Variants in ARHGEF12 observed in about 807,000 individuals in gnomAD.
ARHGEF12 encodes KMT2A/ARHGEF12 fusion protein.
A neutral mutation model predicts 211.2 loss-of-function variants in ARHGEF12; 66 were observed. The observed-to-expected ratio is 0.31, with a 90% CI of 0.26 to 0.38. ARHGEF12 has a LOEUF of 0.38. ARHGEF12 is among the 10% of genes least tolerant of loss of function. The probability of loss-of-function intolerance (pLI) is 1.00; values close to 1 mark genes in which losing one functional copy is unlikely to be tolerated. For missense variants in ARHGEF12, 1,429 were observed against 1,869.5 expected (o/e 0.76, Z 4.34); for synonymous variants, 592 against 638.4 (o/e 0.93, Z 1.09).
In ARHGEF12 at chr11:120,407,788, T is replaced by C; in HGVS notation, c.107T>C (p.Val36Ala). ...TCACCAACAGATAAGAAGCAGAAAGTTGAGCGCATTGCATCACATGATTTT... is the reference window on the plus strand; with the variant it reads ...TCACCAACAGATAAGAAGCAGAAAGCTGAGCGCATTGCATCACATGATTTT... ...RESPTDKKQK[V>A]ERIASHDFDP... Residue 36 changes from valine to alanine, a missense_variant, in exon 3 of 41, where the codon GTT becomes GCT. Val to Ala is a moderately conservative substitution (Grantham distance 64). This residue lies in a region of ARHGEF12 where 41 missense variants were observed against 48.6 expected (regional missense o/e 0.84). Coordinates refer to ENST00000397843, the MANE Select transcript of ARHGEF12 (RefSeq NM_015313.3). The C allele has an allele frequency of 1.2e-6, 2 of 1,613,722 alleles. No individual in the cohort carries two copies. Among genetic ancestry groups the C allele is most frequent in the Non-Finnish European group, 1.7e-6 (2 of 1,179,822 alleles).
intron 27 of ARHGEF12, chr11:120,462,974 A>G (rs1016622413): frequency 6.6e-6 from 1 of 152,230 alleles, no homozygotes; most frequent in Admixed American, 6.5e-5. Context: ...ACAGTGAGCC[A>G]CAGCTCCTGG....
chr11:120,466,972 C>CAG (rs1676784396), intron 28 of ARHGEF12, among the ~76,000 whole-genome samples: 1 of 152,134 alleles, frequency 6.6e-6, no homozygotes, highest in East Asian at 1.9e-4. Context: ...CTTCCTTAAA[C>CAG]AGATAACAAG....
chr11:120,457,916 A>G, intron 24 of ARHGEF12, 160 bp downstream of exon 24: 2 of 1,122,026 alleles, frequency 1.8e-6, no homozygotes, highest in Non-Finnish European at 2.5e-6. Flanking sequence ...CAAAAGCTGT[A>G]TTTTGAAGTA....
At chr11:120,428,404 G>T (rs547671518) in intron 8 of ARHGEF12, among the ~76,000 whole-genome samples, 157 bp downstream of exon 8, 1 of 152,152 alleles carries the variant, frequency 6.6e-6, no homozygotes, top group African/African-American at 2.4e-5. Context: ...GGAATGATTA[G>T]AATATTGTCA....
rs926350763 is a variant in ARHGEF12, at chr11:120,469,288, A to C, written c.2855A>C (p.Glu952Ala). ...TTTTGGATTTCTTTCCCATATTTAG[A>C]ATGGCCAACAGAAAGGGAGAAGGTG... ...LLLDNIAKYT[E>A]WPTEREKVKK... Residue 952 changes from glutamate to alanine, a missense_variant and splice_region_variant, in exon 30 of 41, where the codon GAA (glutamate) becomes GCA (alanine). By Grantham distance (107) the Glu-to-Ala change is moderately radical. This residue lies in a region of ARHGEF12 where 223 missense variants were observed against 444.6 expected (regional missense o/e 0.50). Coordinates refer to ENST00000397843, the MANE Select transcript of ARHGEF12 (RefSeq NM_015313.3). 2.5e-6 allele frequency: 4 copies of C among 1,608,042 alleles called. No homozygotes were observed. Among genetic ancestry groups the C allele is most frequent in the Admixed American group, 3.4e-5 (2 of 58,426 alleles).
intron 4 of ARHGEF12, among the ~76,000 whole-genome samples, chr11:120,420,188 CT>C (rs1261521708): frequency 6.6e-6 from 1 of 152,160 alleles, no homozygotes; most frequent in African/African-American, 2.4e-5. Flanking sequence ...TTTCTTCCCC[CT>C]GAACTCTTCC....
chr11:120,354,062 T>A (rs987719603), intron 1 of ARHGEF12, among the ~76,000 whole-genome samples: 5 of 151,676 alleles, frequency 3.3e-5, no homozygotes, highest in Admixed American at 3.3e-4. Flanking sequence ...CTGCCTCTGA[T>A]CTCCTCAGAG....
At chr11:120,460,616 G>C (rs1287860522) in intron 26 of ARHGEF12, 56 bp from the exon 27 acceptor site, 4 of 1,461,514 alleles carry the variant, frequency 2.7e-6, no homozygotes, top group Non-Finnish European at 3.8e-6. Context: ...TGTACTACCA[G>C]TAATTCTGTC....
rs950211940 is a variant in ARHGEF12, at chr11:120,338,995, TTTTC to T, written c.32+1724_32+1727del. ...TATGAAATTACTGAAAGCCTGTTTCTTTTCTTTTTCTTTTTTTTTTTTTTTTTTG... is the reference window on the plus strand; with the variant it reads ...TATGAAATTACTGAAAGCCTGTTTCTTTTTTCTTTTTTTTTTTTTTTTTTG... On this transcript the variant is annotated intron_variant, in intron 1 of 40. Transcript: ENST00000397843. 3.7e-5 allele frequency among the ~76,000 whole-genome samples: 5 copies of T among 135,174 alleles called. 1 individual carries two copies. Among genetic ancestry groups the T allele is most frequent in the African/African-American group, 6.1e-5 (2 of 32,776 alleles). The allele number at this position is 135,174 out of a possible 152,430, so 88.7% of individuals were successfully genotyped here.
At chr11:120,482,036 G>A (rs1947259949) in intron 39 of ARHGEF12, among the ~76,000 whole-genome samples, 3 of 152,168 alleles carry the variant, frequency 2.0e-5, no homozygotes, top group Non-Finnish European at 2.9e-5. Flanking sequence ...TGGGATTACA[G>A]GCGTGAGCCA....
intron 17 of ARHGEF12, 39 bp downstream of exon 17, chr11:120,446,547 T>C (rs1469441315): frequency 6.7e-7 from 1 of 1,497,860 alleles, no homozygotes; most frequent in Non-Finnish European, 9.1e-7. Context: ...ATGATTATTC[T>C]AAATTAATTT....
intron 4 of ARHGEF12, among the ~76,000 whole-genome samples, chr11:120,416,481 G>C (rs1310735316): frequency 6.6e-6 from 1 of 152,098 alleles, no homozygotes; most frequent in Admixed American, 6.5e-5. Flanking sequence ...GCATATTTAG[G>C]AAAAGCTTGT....
chr11:120,467,177 T>A lies in ARHGEF12; in HGVS notation c.2740-17T>A, dbSNP rs374744368. 7.1e-4 allele frequency: 1,066 copies of A among 1,511,624 alleles called. No homozygotes were observed. Among genetic ancestry groups the A allele is most frequent in the Non-Finnish European group, 9.4e-4 (1,023 of 1,088,848 alleles). 93.6% of individuals were successfully genotyped at this position (1,511,624 alleles called of 1,614,324 possible). On this transcript the variant is annotated splice_polypyrimidine_tract_variant and intron_variant, in intron 28 of 40. Transcript: ENST00000397843. ...CAAATAAGAATTACAGATTCACTTATTTCACTTTAATTTTAGGATGCTGAA... is the reference window on the plus strand; with the variant it reads ...CAAATAAGAATTACAGATTCACTTAATTCACTTTAATTTTAGGATGCTGAA...
Position 120,457,766 on chromosome 11 carries a change from T to A in ARHGEF12, c.2225+10T>A. ...CAAAGCCCTTTCGAAAGTAAGTAAA[T>A]CTTAAGCAGCTTTCAATAAAGGCGC... is the stretch of plus-strand genomic sequence containing the variant. On this transcript the variant is annotated intron_variant, in intron 24 of 40. Transcript: ENST00000397843. The A allele has an allele frequency of 1.2e-6, 2 of 1,607,736 alleles. No homozygotes were observed. The highest frequency in any genetic ancestry group is 1.7e-6 in the Non-Finnish European group (2 of 1,177,268).
chr11:120,434,682 G>A (rs1372024159), intron 11 of ARHGEF12, among the ~76,000 whole-genome samples: 1 of 152,034 alleles, frequency 6.6e-6, no homozygotes, highest in African/African-American at 2.4e-5. Flanking sequence ...GCTTACCTTG[G>A]AGAAGGCTTT....
chr11:120,336,878 G>A lies in ARHGEF12; in HGVS notation c.-366G>A, dbSNP rs1019476090. On this transcript the variant is annotated 5_prime_UTR_variant, in exon 1 of 41. Coordinates refer to ENST00000397843, the MANE Select transcript of ARHGEF12 (RefSeq NM_015313.3). Reference sequence around the variant, plus strand: ...GACTCCGGAGGAGGAGCCGACACCCGTCCGTGAGCTGATCCCGCCCCAGCC... The same window carrying A: ...GACTCCGGAGGAGGAGCCGACACCCATCCGTGAGCTGATCCCGCCCCAGCC... The A allele has an allele frequency of 5.0e-6, 2 of 401,158 alleles. No individual in the cohort carries two copies. The highest frequency in any genetic ancestry group is 4.1e-5 in the African/African-American group (2 of 48,594). The allele number at this position is 401,158 out of a possible 1,614,324, so 24.8% of individuals were successfully genotyped here.
chr11:120,336,781 C>T lies in ARHGEF12; in HGVS notation c.-463C>T, dbSNP rs905869430. 1.8e-4 allele frequency: 51 copies of T among 281,992 alleles called. No individual in the cohort carries two copies. Among genetic ancestry groups the T allele is most frequent in the Non-Finnish European group, 3.1e-4 (47 of 151,216 alleles). 17.5% of individuals were successfully genotyped at this position (281,992 alleles called of 1,614,324 possible). A position where few individuals can be genotyped will look rare whatever the true frequency, so the allele number is the denominator to read the frequency against. ...CGGCCAACGCTGCGGCCACGAGCAGCCGGCAGCCCCAGATAGAGAGCCGGG... is the reference window on the plus strand; with the variant it reads ...CGGCCAACGCTGCGGCCACGAGCAGTCGGCAGCCCCAGATAGAGAGCCGGG... On this transcript the variant is annotated 5_prime_UTR_variant, in exon 1 of 41. Coordinates refer to ENST00000397843, the MANE Select transcript of ARHGEF12 (RefSeq NM_015313.3).
At chr11:120,376,838 G>A (rs531623164) in intron 1 of ARHGEF12, among the ~76,000 whole-genome samples, 12 of 151,948 alleles carry the variant, frequency 7.9e-5, no homozygotes, top group East Asian at 3.9e-4. Flanking sequence ...TTCTATCTCC[G>A]TGAGTTCAGA....
chr11:120,441,945 A>G, intron 14 of ARHGEF12, 128 bp downstream of exon 14: 2 of 949,788 alleles, frequency 2.1e-6, no homozygotes, highest in Non-Finnish European at 1.6e-6. Flanking sequence ...GATACAAAAG[A>G]TAATTAAAAC....
Sources: gnomAD v4.1 joint callset for allele counts (sites outside exome capture counted in the v4.1 genomes callset) on GRCh38, gnomAD v4.1.1 for gene constraint, gnomAD v4.1.1 regional missense constraint, MANE v1.5 for transcripts, NCBI Gene and HGNC (gene_info 2026-07-23, HGNC 2026-07-21) for gene names.